The following RALYL variants were observed in gnomAD, a reference collection of about 807,000 sequenced individuals.
The protein encoded by RALYL is RNA-binding Raly-like protein.
RALYL carries 29 observed loss-of-function variants against 35.1 expected under a neutral mutation model. The observed-to-expected ratio is 0.83, with a 90% CI of 0.61 to 1.13. The LOEUF (loss-of-function observed/expected upper bound fraction) is 1.13. Ranked by LOEUF, RALYL falls within the 50% of genes most tolerant of loss-of-function variation. RALYL has a pLI of 0.00. For missense variants in RALYL, 359 were observed against 360.4 expected, an observed-to-expected ratio of 1.00 and a Z score of 0.03; for synonymous variants, 120 against 127.6, an observed-to-expected ratio of 0.94 and a Z score of 0.40.
intron 2 of RALYL, among the ~76,000 whole-genome samples, chr8:84,738,389 T>C (rs999029289): frequency 6.6e-6 from 1 of 152,008 alleles, no homozygotes; most frequent in Non-Finnish European, 1.5e-5. Context: ...CACGCTATGA[T>C]CAAAGATTTA....
chr8:84,236,754 T>A (rs186857216), intron 1 of RALYL, among the ~76,000 whole-genome samples: 4 of 152,034 alleles, frequency 2.6e-5, no homozygotes, highest in African/African-American at 9.7e-5. Context: ...TTTCACTGTG[T>A]CAAAAAATGA....
chr8:84,600,897 C>G (rs891147314), intron 2 of RALYL, among the ~76,000 whole-genome samples: 1 of 151,948 alleles, frequency 6.6e-6, no homozygotes, highest in South Asian at 2.1e-4. Flanking sequence ...TGTTTCTGTT[C>G]AATGATTTCC....
At chr8:84,738,494 C>T (rs1460864436) in intron 2 of RALYL, among the ~76,000 whole-genome samples, 1 of 152,028 alleles carries the variant, frequency 6.6e-6, no homozygotes, top group Non-Finnish European at 1.5e-5. Flanking sequence ...ATTTGCATCA[C>T]TGGCAGAAAT....
chr8:84,851,531 T>C (rs577038418), intron 5 of RALYL, among the ~76,000 whole-genome samples: 4 of 152,296 alleles, frequency 2.6e-5, no homozygotes, highest in African/African-American at 9.6e-5. Context: ...TTATGAGTAT[T>C]ATGCAAACAA....
At chr8:84,204,704 G>A (rs1817667513) in intron 1 of RALYL, among the ~76,000 whole-genome samples, 1 of 152,104 alleles carries the variant, frequency 6.6e-6, no homozygotes, top group Non-Finnish European at 1.5e-5. Context: ...CTTTGTGCAT[G>A]CCATATGTTC....
chr8:84,826,032 C>A (rs1829602246), intron 4 of RALYL, among the ~76,000 whole-genome samples: 1 of 151,776 alleles, frequency 6.6e-6, no homozygotes, highest in African/African-American at 2.4e-5. Flanking sequence ...GGTCATTATC[C>A]AAAGTGAATT....
At chr8:84,455,093 G>T (rs772166902) in intron 1 of RALYL, among the ~76,000 whole-genome samples, 26 of 152,020 alleles carry the variant, frequency 1.7e-4, no homozygotes, top group Non-Finnish European at 2.8e-4. Flanking sequence ...GCGCTGCACA[G>T]AATTTGGGAA....
At chr8:84,492,578 A>G (rs914789813) in intron 1 of RALYL, among the ~76,000 whole-genome samples, 1 of 152,036 alleles carries the variant, frequency 6.6e-6, no homozygotes, top group African/African-American at 2.4e-5. Context: ...TGAATATTTT[A>G]TGAAACTGCT....
intron 1 of RALYL, among the ~76,000 whole-genome samples, chr8:84,235,369 C>A (rs1826279557): frequency 6.6e-6 from 1 of 152,178 alleles, no homozygotes; most frequent in Admixed American, 6.5e-5. Flanking sequence ...TTCCCCTCTT[C>A]CACAATAAGA....
At chr8:84,275,134 C>T (rs575078343) in intron 1 of RALYL, among the ~76,000 whole-genome samples, 1 of 152,220 alleles carries the variant, frequency 6.6e-6, no homozygotes, top group East Asian at 1.9e-4. Flanking sequence ...ATTTTTTAGA[C>T]TTTTTGATAG....
At chr8:84,293,238 G>T (rs997748905) in intron 1 of RALYL, among the ~76,000 whole-genome samples, 4 of 152,082 alleles carry the variant, frequency 2.6e-5, no homozygotes, top group African/African-American at 9.7e-5. Context: ...AAAAGAGAGC[G>T]AGAGAAAGAA....
At chr8:84,208,622 G>C (rs545834346) in intron 1 of RALYL, among the ~76,000 whole-genome samples, 11 of 152,202 alleles carry the variant, frequency 7.2e-5, no homozygotes, top group African/African-American at 2.6e-4. Flanking sequence ...CCTGCCTTTT[G>C]AGCTCATCCC....
At chr8:84,897,985 G>C (rs6985189) in intron 8 of RALYL, among the ~76,000 whole-genome samples, 69,705 of 152,096 alleles carry the variant, frequency 0.46, 19,005 homozygotes, top group African/African-American at 0.75. Flanking sequence ...GTGTAACATT[G>C]TAGTTGGTTC....
chr8:84,612,112 G>A (rs1818430650), intron 2 of RALYL, among the ~76,000 whole-genome samples: 2 of 150,408 alleles, frequency 1.3e-5, no homozygotes, highest in Non-Finnish European at 3.0e-5. Context: ...ATTGTGGTTT[G>A]AATTGTTTGC....
intron 2 of RALYL, among the ~76,000 whole-genome samples, chr8:84,570,531 A>G (rs1197447816): frequency 1.3e-5 from 2 of 151,878 alleles, no homozygotes; most frequent in Non-Finnish European, 2.9e-5. Flanking sequence ...AGGACCAGAG[A>G]TAATTTGACT....
chr8:84,696,222 T>TCA (rs1281011707), intron 2 of RALYL, among the ~76,000 whole-genome samples: 1 of 151,584 alleles, frequency 6.6e-6, no homozygotes, highest in East Asian at 1.9e-4. Context: ...AAATGAGGGA[T>TCA]CATATGTTAA....
At chr8:84,610,439 C>G (rs1000319784) in intron 2 of RALYL, among the ~76,000 whole-genome samples, 3 of 152,088 alleles carry the variant, frequency 2.0e-5, no homozygotes, top group African/African-American at 7.2e-5. Flanking sequence ...TAGCACATCA[C>G]AACAAAGGAT....
chr8:84,229,449 C>A (rs996345635), intron 1 of RALYL, among the ~76,000 whole-genome samples: 1 of 152,152 alleles, frequency 6.6e-6, no homozygotes, highest in Admixed American at 6.6e-5. Flanking sequence ...TAACCAATAA[C>A]CAATTGCTAC....
chr8:84,880,088 A>C (rs1042628523), intron 7 of RALYL, among the ~76,000 whole-genome samples: 2 of 152,056 alleles, frequency 1.3e-5, no homozygotes, highest in African/African-American at 4.8e-5. Flanking sequence ...TGTGTTTGCT[A>C]ATTAGCTCTT....
Sources: allele counts gnomAD v4.1 joint callset (sites outside exome capture counted in the v4.1 genomes callset), GRCh38; gene constraint gnomAD v4.1.1; transcripts MANE v1.5; gene names NCBI Gene and HGNC (gene_info 2026-07-23, HGNC 2026-07-21).